The following CACNB2 variants were observed in gnomAD, a reference collection of about 807,000 sequenced individuals.
CACNB2 encodes the protein calcium voltage-gated channel auxiliary subunit beta 2.
In CACNB2, 42 loss-of-function variants were observed where a neutral mutation model predicts 73.3. The ratio of observed to expected loss-of-function variants is 0.57; its 90% CI spans 0.45 to 0.74. CACNB2 has a LOEUF of 0.74. Among genes scored for constraint, CACNB2 ranks in the 30% least tolerant of loss-of-function variants. The pLI, the probability that CACNB2 is intolerant of heterozygous loss-of-function variation, is 0.00. For synonymous variants in CACNB2, 348 were observed against 310.3 expected, an observed-to-expected ratio of 1.12 and a Z score of -1.28; for missense variants, 940 against 853.0, an observed-to-expected ratio of 1.10 and a Z score of -1.27.
chr10:18,322,933 A>G (rs1051164238), intron 2 of CACNB2, among the ~76,000 whole-genome samples: 1 of 148,918 alleles, frequency 6.7e-6, no homozygotes, highest in Non-Finnish European at 1.5e-5. Flanking sequence ...AATGATAGCC[A>G]CTACCTTAAC....
At chr10:18,335,104 G>A (rs2040949237) in intron 2 of CACNB2, among the ~76,000 whole-genome samples, 1 of 150,360 alleles carries the variant, frequency 6.7e-6, no homozygotes, top group Non-Finnish European at 1.5e-5. Flanking sequence ...CATCTAATGT[G>A]AAAATTTGTC....
intron 3 of CACNB2, among the ~76,000 whole-genome samples, chr10:18,493,238 G>A (rs953603864): frequency 7.9e-5 from 12 of 152,136 alleles, no homozygotes; most frequent in African/African-American, 2.7e-4. Flanking sequence ...GCACAATCTC[G>A]GGTCACTGCA....
intron 3 of CACNB2, among the ~76,000 whole-genome samples, chr10:18,435,802 C>A (rs1241392100): frequency 3.9e-5 from 6 of 152,070 alleles, no homozygotes; most frequent in African/African-American, 1.4e-4. Flanking sequence ...ACCTGCCCCC[C>A]AACCAACCCA....
chr10:18,152,488 T>C (rs943185233), intron 2 of CACNB2, among the ~76,000 whole-genome samples: 9 of 151,846 alleles, frequency 5.9e-5, no homozygotes, highest in African/African-American at 1.9e-4. Context: ...GGTGTATGCG[T>C]TGGCCTCATG....
intron 2 of CACNB2, among the ~76,000 whole-genome samples, chr10:18,245,283 GC>G (rs2036817006): frequency 6.6e-6 from 1 of 152,206 alleles, no homozygotes; most frequent in African/African-American, 2.4e-5. Context: ...AGGTAGAACT[GC>G]TGTAAGGAAA....
chr10:18,301,642 CTCTTT>C (rs2039514754), intron 2 of CACNB2, among the ~76,000 whole-genome samples: 1 of 124,716 alleles, frequency 8.0e-6, no homozygotes, highest in Non-Finnish European at 1.7e-5. Flanking sequence ...AAGCCTTTCT[CTCTTT>C]TTTTTTTTTT....
chr10:18,305,216 A>G lies in CACNB2; in HGVS notation c.214-96708A>G, dbSNP rs571290799. 2.0e-5 allele frequency among the ~76,000 whole-genome samples: 3 copies of G among 152,352 alleles called. No individual in the cohort carries two copies. In the South Asian group the frequency reaches 6.2e-4, roughly 32 times the overall value. On this transcript the variant is annotated intron_variant, in intron 2 of 13. Transcript: ENST00000324631. ...GTCTACTTCATGGACAGTAAATGCT[A>G]TGAGGCTGAGACAGAATTTGGAATT...
intron 2 of CACNB2, among the ~76,000 whole-genome samples, chr10:18,174,758 A>G (rs1001458585): frequency 1.2e-4 from 18 of 152,120 alleles, no homozygotes; most frequent in Admixed American, 8.5e-4. Context: ...TTCAAGTATT[A>G]CAGACAAGTA....
In CACNB2 at chr10:18,536,255, T is replaced by TTTTTTC; in HGVS notation, c.1302+64_1302+65insCTTTTT. ...ACAGAGATCAGACCTTTTTTTTTTT[T>TTTTTTC]TTTTTTTTTTTTTTTTTTGGGGGAC... On this transcript the variant is annotated intron_variant, in intron 12 of 13. Transcript: ENST00000324631. The TTTTTTC allele has an allele frequency of 7.7e-6, 5 of 648,148 alleles. No homozygotes were observed. The South Asian group carries it at 8.7e-5, about 11-fold the overall frequency. 40.1% of individuals were successfully genotyped at this position (648,148 alleles called of 1,614,324 possible).
intron 2 of CACNB2, among the ~76,000 whole-genome samples, chr10:18,350,370 C>T (rs909971767): frequency 5.9e-5 from 9 of 152,310 alleles, no homozygotes; most frequent in East Asian, 1.9e-4. Context: ...TTGTCACTAG[C>T]GTGGGGTCCC....
At chr10:18,530,347 G>A (rs915757513) in intron 10 of CACNB2, among the ~76,000 whole-genome samples, 2 of 152,082 alleles carry the variant, frequency 1.3e-5, no homozygotes, top group African/African-American at 4.8e-5. Flanking sequence ...TTCTCATAGT[G>A]TTTGTTTTAC....
intron 2 of CACNB2, among the ~76,000 whole-genome samples, chr10:18,182,531 A>AC (rs2033941360): frequency 6.8e-6 from 1 of 146,922 alleles, no homozygotes. Context: ...AAAAAAAAAA[A>AC]ATCACCCAGG....
intron 2 of CACNB2, among the ~76,000 whole-genome samples, chr10:18,343,887 C>T (rs1278508056): frequency 6.6e-6 from 1 of 152,094 alleles, no homozygotes; most frequent in South Asian, 2.1e-4. Context: ...CATTTTCTAG[C>T]TTCTGCCAAT....
intron 2 of CACNB2, among the ~76,000 whole-genome samples, chr10:18,199,600 A>G (rs910383278): frequency 3.3e-5 from 5 of 152,202 alleles, no homozygotes; most frequent in African/African-American, 9.6e-5. Context: ...GTCAAGGGAT[A>G]AGGGTTTGGA....
intron 2 of CACNB2, among the ~76,000 whole-genome samples, chr10:18,202,808 C>A (rs773638814): frequency 2.6e-5 from 4 of 152,190 alleles, no homozygotes; most frequent in African/African-American, 4.8e-5. Flanking sequence ...AGTTCTTTGC[C>A]TTTCTGTCTT....
At chr10:18,355,315 G>T (rs1214824735) in intron 2 of CACNB2, among the ~76,000 whole-genome samples, 1 of 152,108 alleles carries the variant, frequency 6.6e-6, no homozygotes, top group Non-Finnish European at 1.5e-5. Context: ...AACATTACTT[G>T]TAGTTATTCT....
At chr10:18,149,526 T>G (rs1402277643) in intron 1 of CACNB2, among the ~76,000 whole-genome samples, 1 of 152,206 alleles carries the variant, frequency 6.6e-6, no homozygotes. Context: ...TGCTTTAAGA[T>G]GATACCACCC....
At chr10:18,226,385 A>C (rs1425347461) in intron 2 of CACNB2, among the ~76,000 whole-genome samples, 1 of 152,156 alleles carries the variant, frequency 6.6e-6, no homozygotes, top group East Asian at 1.9e-4. Context: ...CTGGATCCAT[A>C]ATGCATTTTG....
intron 2 of CACNB2, among the ~76,000 whole-genome samples, chr10:18,396,193 G>A (rs1269136289): frequency 6.6e-6 from 1 of 152,116 alleles, no homozygotes; most frequent in Non-Finnish European, 1.5e-5. Context: ...CTGGCCTCAA[G>A]TGATCTGCCT....
Sources: allele counts gnomAD v4.1 joint callset (sites outside exome capture counted in the v4.1 genomes callset), GRCh38; gene constraint gnomAD v4.1.1; transcripts MANE v1.5; gene names NCBI Gene and HGNC (gene_info 2026-07-23, HGNC 2026-07-21).